Variants in KCNH7 observed in about 807,000 individuals in gnomAD.
The protein encoded by KCNH7 is potassium voltage-gated channel subfamily H member 7, also known as voltage-gated inwardly rectifying potassium channel KCNH7.
KCNH7 carries 49 observed loss-of-function variants against 120.8 expected under a neutral mutation model. The ratio of observed to expected loss-of-function variants is 0.41; its 90% CI spans 0.32 to 0.51. The LOEUF (loss-of-function observed/expected upper bound fraction) is 0.51. Among genes scored for constraint, KCNH7 ranks in the 20% least tolerant of loss-of-function variants. The probability of loss-of-function intolerance (pLI) is 0.38; values close to 1 mark genes in which losing one functional copy is unlikely to be tolerated. For missense variants in KCNH7, 1,097 were observed against 1,446.6 expected, an observed-to-expected ratio of 0.76 and a Z score of 3.92; for synonymous variants, 547 against 516.1, an observed-to-expected ratio of 1.06 and a Z score of -0.81.
chr2:162,467,947 A>C (rs1315259923), intron 6 of KCNH7, among the ~76,000 whole-genome samples: 1 of 152,216 alleles, frequency 6.6e-6, no homozygotes, highest in African/African-American at 2.4e-5. Context: ...TTGTTCATAA[A>C]GGCTCTTACC....
chr2:162,632,088 C>T (rs929650834), intron 2 of KCNH7, among the ~76,000 whole-genome samples: 3 of 151,830 alleles, frequency 2.0e-5, no homozygotes, highest in African/African-American at 4.8e-5. Context: ...AAAAAAGCTG[C>T]CCGTATTTGG....
intron 2 of KCNH7, among the ~76,000 whole-genome samples, chr2:162,609,071 T>A (rs774729153): frequency 1.5e-4 from 23 of 152,044 alleles, no homozygotes; most frequent in Non-Finnish European, 3.1e-4. Flanking sequence ...ACACACACAC[T>A]CTTCACGCAG....
intron 9 of KCNH7, among the ~76,000 whole-genome samples, chr2:162,401,953 C>T (rs1687074903): frequency 6.6e-6 from 1 of 151,842 alleles, no homozygotes; most frequent in Non-Finnish European, 1.5e-5. Context: ...TTGTTAGACA[C>T]AGCTCATCCA....
At position 162,478,317 on chromosome 2, in the gene KCNH7, T is replaced by G. The variant is rs1199006780; in HGVS notation, c.1128+26126A>C. Among the ~76,000 whole-genome samples the G allele has an allele frequency of 2.0e-5, 3 of 152,192 alleles. No homozygotes were observed. In the East Asian group the frequency reaches 5.8e-4, roughly 29 times the overall value. On this transcript the variant is annotated intron_variant, in intron 6 of 15. Coordinates refer to ENST00000332142, the MANE Select transcript of KCNH7 (RefSeq NM_033272.4). ...AATTGTTCATTATAGTACCATAGAC[T>G]GTTACAGGTGGAAGTGGGCGAGCAG...
intron 2 of KCNH7, among the ~76,000 whole-genome samples, chr2:162,789,115 C>A (rs1683825621): frequency 6.6e-6 from 1 of 151,760 alleles, no homozygotes; most frequent in African/African-American, 2.4e-5. Flanking sequence ...ACTATAGTTG[C>A]CTTATAAAAA....
intron 13 of KCNH7, among the ~76,000 whole-genome samples, chr2:162,383,784 G>T (rs1373653755): frequency 6.6e-6 from 1 of 151,836 alleles, no homozygotes; most frequent in Non-Finnish European, 1.5e-5. Context: ...AATACTAACA[G>T]TTGGGGATTT....
At chr2:162,790,793 T>C (rs1177821581) in intron 2 of KCNH7, among the ~76,000 whole-genome samples, 1 of 151,962 alleles carries the variant, frequency 6.6e-6, no homozygotes, top group Admixed American at 6.6e-5. Flanking sequence ...TCTTTCATAA[T>C]AAAAACTCAA....
intron 2 of KCNH7, among the ~76,000 whole-genome samples, chr2:162,767,326 G>A (rs536968471): frequency 7.2e-5 from 11 of 151,876 alleles, no homozygotes; most frequent in Non-Finnish European, 1.5e-4. Flanking sequence ...AAGTTATATC[G>A]GAATTTCCCT....
intron 9 of KCNH7, among the ~76,000 whole-genome samples, chr2:162,419,862 A>G (rs1263124092): frequency 6.6e-6 from 1 of 152,170 alleles, no homozygotes; most frequent in African/African-American, 2.4e-5. Flanking sequence ...TGTTGTAACT[A>G]AAACAGTGTT....
chr2:162,678,258 C>G (rs1685593316), intron 2 of KCNH7, among the ~76,000 whole-genome samples: 1 of 151,118 alleles, frequency 6.6e-6, no homozygotes, highest in African/African-American at 2.4e-5. Flanking sequence ...TATGTAAATT[C>G]CCCAGGAGAG....
chr2:162,413,138 G>A (rs1199102426), intron 9 of KCNH7, among the ~76,000 whole-genome samples: 1 of 150,628 alleles, frequency 6.6e-6, no homozygotes, highest in African/African-American at 2.4e-5. Flanking sequence ...CATTTTTTTT[G>A]TTTTTTTTAA....
chr2:162,607,655 C>G (rs943151461), intron 2 of KCNH7, among the ~76,000 whole-genome samples: 13 of 152,002 alleles, frequency 8.6e-5, no homozygotes, highest in African/African-American at 2.7e-4. Flanking sequence ...GAGAAATTAA[C>G]AAGTAATCAT....
chr2:162,715,946 T>TGTG, intron 2 of KCNH7, among the ~76,000 whole-genome samples: 1 of 146,492 alleles, frequency 6.8e-6, no homozygotes, highest in South Asian at 2.2e-4. Context: ...GAGCATGTCT[T>TGTG]TGTGTGTGTG....
intron 2 of KCNH7, among the ~76,000 whole-genome samples, chr2:162,641,703 T>C (rs750949531): frequency 2.6e-5 from 4 of 152,050 alleles, no homozygotes; most frequent in Non-Finnish European, 4.4e-5. Flanking sequence ...GTGAGGGAAA[T>C]GTTTTGTATC....
At chr2:162,702,521 T>G (rs1686547891) in intron 2 of KCNH7, among the ~76,000 whole-genome samples, 1 of 152,178 alleles carries the variant, frequency 6.6e-6, no homozygotes, top group African/African-American at 2.4e-5. Context: ...TGCTTAAAAA[T>G]TATCTAAAAA....
chr2:162,804,282 G>A (rs1684452731), intron 2 of KCNH7, among the ~76,000 whole-genome samples: 1 of 151,744 alleles, frequency 6.6e-6, no homozygotes, highest in African/African-American at 2.4e-5. Context: ...AAGAAGAGAA[G>A]TCGTCAAACT....
At chr2:162,789,486 T>C (rs941759904) in intron 2 of KCNH7, among the ~76,000 whole-genome samples, 6 of 151,976 alleles carry the variant, frequency 3.9e-5, no homozygotes, top group Non-Finnish European at 7.4e-5. Context: ...ACATTGGACT[T>C]GAACAACACT....
chr2:162,693,250 G>A (rs1351929397), intron 2 of KCNH7, among the ~76,000 whole-genome samples: 1 of 152,136 alleles, frequency 6.6e-6, no homozygotes, highest in African/African-American at 2.4e-5. Flanking sequence ...AGCAGTTCTT[G>A]AGTAAATTGA....
At position 162,617,780 on chromosome 2, in the gene KCNH7, T is replaced by C. The variant is rs139092588; in HGVS notation, c.308-80700A>G. Among the ~76,000 whole-genome samples the C allele has an allele frequency of 9.6e-3, 1,462 of 152,256 alleles. 34 individuals are homozygous for C. The highest frequency in any genetic ancestry group is 0.033 in the African/African-American group (1,379 of 41,560). ...ATTTTGTAATTTCGTGAATTGGATC[T>C]AAATAAAACCTGTAATAATGACTAT... On this transcript the variant is annotated intron_variant, in intron 2 of 15. Transcript: ENST00000332142.
Sources: allele counts gnomAD v4.1 joint callset (sites outside exome capture counted in the v4.1 genomes callset), GRCh38; gene constraint gnomAD v4.1.1; transcripts MANE v1.5; gene names NCBI Gene and HGNC (gene_info 2026-07-23, HGNC 2026-07-21).